The following PIEZO2 variants were observed in gnomAD, a reference collection of about 807,000 sequenced individuals.
PIEZO2 encodes the protein piezo-type mechanosensitive ion channel component 2.
PIEZO2 carries 172 observed loss-of-function variants against 337.3 expected under a neutral mutation model. The observed-to-expected ratio is 0.51, with a 90% CI of 0.45 to 0.58. The LOEUF (loss-of-function observed/expected upper bound fraction) is 0.58, where lower values mean the gene tolerates loss of function less well. PIEZO2 is among the 20% of genes least tolerant of loss of function. The probability of loss-of-function intolerance (pLI) is 0.00; values close to 1 mark genes in which losing one functional copy is unlikely to be tolerated. For missense variants in PIEZO2, 3,028 were observed against 3,391.3 expected (o/e 0.89, Z 2.66); for synonymous variants, 1,251 against 1,228.5 (o/e 1.02, Z -0.38).
At chr18:10,904,747 C>G (rs1053541247) in intron 4 of PIEZO2, among the ~76,000 whole-genome samples, 6 of 152,236 alleles carry the variant, frequency 3.9e-5, no homozygotes, top group African/African-American at 1.4e-4. Context: ...GCCTCTGCAG[C>G]TGACATTTAA....
Position 10,846,733 on chromosome 18 carries a change from G to A in PIEZO2, c.917+8620C>T, listed in dbSNP as rs552287873. Among the ~76,000 whole-genome samples the A allele has an allele frequency of 1.3e-5, 2 of 152,238 alleles. No individual in the cohort carries two copies. Among genetic ancestry groups the A allele is most frequent in the South Asian group, 2.1e-4 (1 of 4,814 alleles). On this transcript the variant is annotated intron_variant, in intron 7 of 55. Transcript: ENST00000674853. This position sits in a 1 kb window ranked among gnomAD's most constrained non-coding sequence, Gnocchi z 4.1. Reference sequence around the variant, plus strand: ...TCCTTCCTTATAAAGGAAGATGGAAGGTTCTGGAAGGAGGTGCATGGGTAG... The same window carrying A: ...TCCTTCCTTATAAAGGAAGATGGAAAGTTCTGGAAGGAGGTGCATGGGTAG...
Position 11,069,627 on chromosome 18 carries a change from G to GCCTA in PIEZO2, c.65-3409_65-3406dup, listed in dbSNP as rs1253854988. Among the ~76,000 whole-genome samples the GCCTA allele has an allele frequency of 6.6e-6, 1 of 152,214 alleles. No homozygotes were observed. The highest frequency in any genetic ancestry group is 1.9e-4 in the East Asian group (1 of 5,194). On this transcript the variant is annotated intron_variant, in intron 1 of 55. Coordinates refer to ENST00000674853, the MANE Select transcript of PIEZO2 (RefSeq NM_001378183.1). The surrounding 1 kb of genome is among the most constrained non-coding windows in gnomAD (Gnocchi z 4.9). ...TTAAGACCAGAATCAAGACAAGGAT[G>GCCTA]CCTACTCTTGACACTTCCATTCAAT... is the stretch of plus-strand genomic sequence containing the variant.
Position 10,837,365 on chromosome 18 carries a change from A to G in PIEZO2, c.917+17988T>C, listed in dbSNP as rs1032628989. On this transcript the variant is annotated intron_variant, in intron 7 of 55. Transcript: ENST00000674853. This position sits in a 1 kb window ranked among gnomAD's most constrained non-coding sequence, Gnocchi z 4.4. Reference sequence around the variant, plus strand: ...GCATCTTCTGAGAATACCTTTTCCAACTGCAGCCATCTTGCCTCTCTCACC... The same window carrying G: ...GCATCTTCTGAGAATACCTTTTCCAGCTGCAGCCATCTTGCCTCTCTCACC... Among the ~76,000 whole-genome samples, 1 of 152,304 alleles carries G rather than the reference A, an allele frequency of 6.6e-6. No homozygotes were observed. The highest frequency in any genetic ancestry group is 1.5e-5 in the Non-Finnish European group (1 of 68,016).
intron 5 of PIEZO2, among the ~76,000 whole-genome samples, chr18:10,868,977 TGGG>T (rs1378066470): frequency 5.3e-5 from 8 of 152,306 alleles, no homozygotes; most frequent in Non-Finnish European, 1.0e-4. Flanking sequence ...TTTTACTGAG[TGGG>T]TTGGCCTCAA....
intron 49 of PIEZO2, among the ~76,000 whole-genome samples, chr18:10,685,504 C>A (rs189592945): frequency 1.3e-5 from 2 of 152,134 alleles, no homozygotes; most frequent in African/African-American, 4.8e-5. Flanking sequence ...ATGCATGCCT[C>A]GAGTTATAGG....
intron 4 of PIEZO2, among the ~76,000 whole-genome samples, chr18:10,885,439 A>T (rs1028996232): frequency 4.6e-5 from 7 of 152,052 alleles, no homozygotes; most frequent in Non-Finnish European, 1.0e-4. Context: ...CAAATCAATA[A>T]ATAAAAAGGG....
In PIEZO2 at chr18:10,746,966, C is replaced by T. The variant is rs2037448983; in HGVS notation, c.4424+1505G>A. 6.6e-6 allele frequency among the ~76,000 whole-genome samples: 1 copy of T among 152,186 alleles called. No homozygotes were observed. The highest frequency in any genetic ancestry group is 1.5e-5 in the Non-Finnish European group (1 of 68,044). On this transcript the variant is annotated intron_variant, in intron 30 of 55. Coordinates refer to ENST00000674853, the MANE Select transcript of PIEZO2 (RefSeq NM_001378183.1). This position sits in a 1 kb window ranked among gnomAD's most constrained non-coding sequence, Gnocchi z 4.2. ...GAATTGCTTGCTCATGTGCCACTTTCCTGCTACTCTGTGAGCTCTGTGAGG... is the reference window on the plus strand; with the variant it reads ...GAATTGCTTGCTCATGTGCCACTTTTCTGCTACTCTGTGAGCTCTGTGAGG...
chr18:11,106,490 C>T (rs1361856040), intron 1 of PIEZO2, among the ~76,000 whole-genome samples: 1 of 148,354 alleles, frequency 6.7e-6, no homozygotes, highest in Non-Finnish European at 1.5e-5. Context: ...TCATTGTAAC[C>T]GTGAACTCCT....
In PIEZO2 at chr18:11,078,133, TACAC is replaced by T. The variant is rs1002709482; in HGVS notation, c.65-11915_65-11912del. ...CACATATACACACCATACACACACA[TACAC>T]ACACACTCACCACACACACACATAC... On this transcript the variant is annotated intron_variant, in intron 1 of 55. Transcript: ENST00000674853. The surrounding 1 kb of genome is among the most constrained non-coding windows in gnomAD (Gnocchi z 5.3). Among the ~76,000 whole-genome samples the T allele has an allele frequency of 7.3e-5, 10 of 137,670 alleles. No individual in the cohort carries two copies. Among genetic ancestry groups the T allele is most frequent in the Non-Finnish European group, 1.4e-4 (9 of 65,368 alleles). 90.3% of individuals were successfully genotyped at this position (137,670 alleles called of 152,430 possible).
At chr18:10,844,832 G>GGTATTATTATTT (rs2041306010) in intron 7 of PIEZO2, among the ~76,000 whole-genome samples, 1 of 149,288 alleles carries the variant, frequency 6.7e-6, no homozygotes, top group Admixed American at 6.7e-5. Context: ...GTTATTATGA[G>GGTATTATTATTT]AATTAAATGA....
intron 54 of PIEZO2, among the ~76,000 whole-genome samples, chr18:10,674,334 A>G (rs2033900208): frequency 6.6e-6 from 1 of 152,252 alleles, no homozygotes; most frequent in South Asian, 2.1e-4. Flanking sequence ...CAGATGAAAC[A>G]TTTCTACAAC....
rs58924653 is a variant in PIEZO2 at position 11,045,295 on chromosome 18, CAAAAAAAAAAAAA to C, written c.160+20819_160+20831del. 3.4e-4 allele frequency among the ~76,000 whole-genome samples: 18 copies of C among 52,346 alleles called. No individual in the cohort carries two copies. In the South Asian group the frequency reaches 0.015, roughly 43 times the overall value. The allele number at this position is 52,346 out of a possible 152,430, so 34.3% of individuals were successfully genotyped here. On this transcript the variant is annotated intron_variant, in intron 2 of 55. Transcript: ENST00000674853. ...TGGGCGACAGAGTGAGACTCCGTCT[CAAAAAAAAAAAAA>C]AAAAAAAAAAAAAGAGAAAACCTAT...
rs8084096 is a variant in PIEZO2, at chr18:10,772,649, C to A, written c.2785+763G>T. Among the ~76,000 whole-genome samples the A allele has an allele frequency of 5.1e-3, 771 of 152,320 alleles. 7 individuals carry two copies. Among genetic ancestry groups the A allele is most frequent in the African/African-American group, 0.017 (708 of 41,572 alleles). On this transcript the variant is annotated intron_variant, in intron 20 of 55. Transcript: ENST00000674853. ...AGTTGACCAGCAAAGACAAGTGCAG[C>A]ATCTTAAGATCATAGCCCCAGAACC...
At chr18:10,931,478 C>T (rs4797494) in intron 3 of PIEZO2, among the ~76,000 whole-genome samples, 66,870 of 152,050 alleles carry the variant, frequency 0.44, 15,054 homozygotes, top group South Asian at 0.62. Context: ...GGATTACAGG[C>T]GTGAGCCACC....
intron 2 of PIEZO2, among the ~76,000 whole-genome samples, chr18:11,051,002 G>A (rs1176267716): frequency 6.6e-6 from 1 of 151,944 alleles, no homozygotes; most frequent in Non-Finnish European, 1.5e-5. Flanking sequence ...TATTTTGGGG[G>A]CAAGGCCTGA....
intron 43 of PIEZO2, among the ~76,000 whole-genome samples, chr18:10,699,810 C>T (rs1467658944): frequency 6.6e-6 from 1 of 152,158 alleles, no homozygotes; most frequent in Non-Finnish European, 1.5e-5. Flanking sequence ...GATGGAAAGT[C>T]ACCCTGATGA....
At chr18:10,844,817 A>T (rs949210113) in intron 7 of PIEZO2, among the ~76,000 whole-genome samples, 1 of 150,618 alleles carries the variant, frequency 6.6e-6, no homozygotes, top group Non-Finnish European at 1.5e-5. Context: ...TACCTACCTC[A>T]TAGGGTTATT....
chr18:11,065,964 C>G (rs141249434), intron 2 of PIEZO2, among the ~76,000 whole-genome samples, 163 bp downstream of exon 2: 1 of 152,184 alleles, frequency 6.6e-6, no homozygotes, highest in South Asian at 2.1e-4. Flanking sequence ...CTATACAGCT[C>G]TACTTAGTGT....
intron 2 of PIEZO2, among the ~76,000 whole-genome samples, chr18:11,015,052 T>G (rs2036064664): frequency 1.7e-5 from 2 of 120,454 alleles, no homozygotes; most frequent in Non-Finnish European, 3.2e-5. Context: ...GACCCCCTCA[T>G]TCCTCAGTGT....
Sources: allele counts gnomAD v4.1 joint callset (sites outside exome capture counted in the v4.1 genomes callset), GRCh38; gene constraint gnomAD v4.1.1; non-coding constraint Gnocchi (gnomAD v3.1); transcripts MANE v1.5; gene names NCBI Gene and HGNC (gene_info 2026-07-23, HGNC 2026-07-21).